CAPN13: variants seen among roughly 807,000 people sequenced by gnomAD.
CAPN13 encodes calpain-13.
CAPN13 carries 90 observed loss-of-function variants against 98.4 expected under a neutral mutation model. The ratio of observed to expected loss-of-function variants is 0.92; its 90% confidence interval spans 0.77 to 1.09. The LOEUF (loss-of-function observed/expected upper bound fraction) is 1.09, where lower values mean the gene tolerates loss of function less well. Among genes scored for constraint, CAPN13 ranks in the 50% least tolerant of loss-of-function variants. CAPN13 has a pLI of 0.00. For synonymous variants in CAPN13, 330 were observed against 305.5 expected (o/e 1.08, Z -0.84); for missense variants, 887 against 841.3 (o/e 1.05, Z -0.67).
At chr2:30,760,442 GT>G (rs202130044) in intron 7 of CAPN13, among the ~76,000 whole-genome samples, 1,747 of 151,900 alleles carry the variant, frequency 0.012, 29 homozygotes, top group African/African-American at 0.04. Context: ...AGTGGGCATG[GT>G]GGGGAGAAAA....
rs78420950 is a variant in CAPN13 at position 30,764,231 on chromosome 2, G to A, written c.600C>T (p.Ile200=). The change falls in exon 6 of 23, where the codon ATC becomes ATT. Residue 200 remains isoleucine, a synonymous_variant. Transcript: ENST00000295055. ...DALVDLTGGV[I]TNIHLHSSPV... ...GGGAAGAGTGCAGATGGATGTTGGT[G>A]ATCACGCCTCCTGTGAGGTCCACCA... The A allele has an allele frequency of 6.2e-7, 1 of 1,613,296 alleles. No homozygotes were observed. The highest frequency in any genetic ancestry group is 2.2e-5 in the East Asian group (1 of 44,866).
intron 22 of CAPN13, among the ~76,000 whole-genome samples, chr2:30,728,624 C>T (rs1670945040): frequency 6.6e-6 from 1 of 152,170 alleles, no homozygotes; most frequent in African/African-American, 2.4e-5. Flanking sequence ...AGATGGTGGG[C>T]AGGGTCCAGA....
At chr2:30,760,983 G>A (rs1349018860) in intron 7 of CAPN13, among the ~76,000 whole-genome samples, 1 of 152,230 alleles carries the variant, frequency 6.6e-6, no homozygotes, top group African/African-American at 2.4e-5. Context: ...CCGAATGCCA[G>A]TTCCACTGGC....
intron 1 of CAPN13, among the ~76,000 whole-genome samples, chr2:30,789,136 A>C (rs1674477745): frequency 6.6e-6 from 1 of 152,236 alleles, no homozygotes; most frequent in African/African-American, 2.4e-5. Flanking sequence ...GGCCCGCAAC[A>C]AATTAAATAG....
chr2:30,728,697 C>T (rs1558603818), intron 22 of CAPN13, among the ~76,000 whole-genome samples: 1 of 152,086 alleles, frequency 6.6e-6, no homozygotes, highest in Non-Finnish European at 1.5e-5. Flanking sequence ...AATGGGAGGA[C>T]ATTGAAGCGT....
At chr2:30,735,438 C>T (rs976820843) in intron 18 of CAPN13, among the ~76,000 whole-genome samples, 5 of 152,232 alleles carry the variant, frequency 3.3e-5, no homozygotes, top group Non-Finnish European at 7.3e-5. Context: ...TTTTGGGGGC[C>T]TTATTCGGCT....
At chr2:30,805,239 C>T (rs1675542294) in intron 1 of CAPN13, among the ~76,000 whole-genome samples, 1 of 152,168 alleles carries the variant, frequency 6.6e-6, no homozygotes, top group Non-Finnish European at 1.5e-5. Context: ...TACCCTTGCT[C>T]GGATAGACTC....
At chr2:30,753,769 C>A (rs931368312) in intron 9 of CAPN13, among the ~76,000 whole-genome samples, 10 of 152,176 alleles carry the variant, frequency 6.6e-5, no homozygotes, top group Non-Finnish European at 1.5e-4. Context: ...AACCAGACAA[C>A]CCTCTGAGGA....
chr2:30,764,411 C>T (rs1673009091), intron 5 of CAPN13, 105 bp from the exon 6 acceptor site: 1 of 1,280,460 alleles, frequency 7.8e-7, no homozygotes, highest in South Asian at 1.4e-5. Context: ...AAGGGGCTGC[C>T]TGGTCCACTC....
At chr2:30,737,964 A>T in intron 17 of CAPN13, 1 of 389,860 alleles carries the variant, frequency 2.6e-6, no homozygotes, top group Non-Finnish European at 4.5e-6. Flanking sequence ...AAGAATTATA[A>T]GGACACACAC....
rs1389926285 is a variant in CAPN13 at position 30,745,527 on chromosome 2, T to C, written c.1248+196A>G. Among the ~76,000 whole-genome samples, 3 of 152,194 alleles carry C rather than the reference T, an allele frequency of 2.0e-5. No homozygotes were observed. In the East Asian group the frequency reaches 5.8e-4, roughly 29 times the overall value. On this transcript the variant is annotated intron_variant, in intron 12 of 22. Transcript: ENST00000295055. ...AGAGAACAGCTCAAAGGGTCGAAGC[T>C]TCAGACCAGGACACCTAACTATTCT...
intron 11 of CAPN13, among the ~76,000 whole-genome samples, chr2:30,748,609 G>A (rs756096950): frequency 4.6e-5 from 7 of 152,136 alleles, no homozygotes; most frequent in Non-Finnish European, 1.0e-4. Flanking sequence ...TGGGTCACAA[G>A]TCTACAACTT....
intron 2 of CAPN13, among the ~76,000 whole-genome samples, chr2:30,783,510 T>C (rs11891737): frequency 0.1 from 15,600 of 152,032 alleles, 2,465 homozygotes; most frequent in African/African-American, 0.34. Flanking sequence ...GAAGGAAGGA[T>C]AAGAGCCAGA....
intron 15 of CAPN13, chr2:30,741,479 T>C (rs1671649208): frequency 9.8e-7 from 1 of 1,018,152 alleles, no homozygotes; most frequent in East Asian, 9.5e-5. Flanking sequence ...AAATCCTGTG[T>C]GCACATAGGT....
intron 1 of CAPN13, among the ~76,000 whole-genome samples, chr2:30,791,589 C>T (rs915467665): frequency 6.6e-6 from 1 of 152,230 alleles, no homozygotes; most frequent in Non-Finnish European, 1.5e-5. Context: ...CTTAAGTTTG[C>T]TCCCAGTGTT....
rs1307196239 is a variant in CAPN13 at position 30,736,571 on chromosome 2, G to T, written c.1654C>A (p.Leu552Met). 6.2e-7 allele frequency: 1 copy of T among 1,613,988 alleles called. No individual in the cohort carries two copies. Among genetic ancestry groups the T allele is most frequent in the Non-Finnish European group, 8.5e-7 (1 of 1,179,878 alleles). ...ECRSLVALME[L>M]KVNGRLDQEE... ...TGGTCTAGCCGCCCATTCACTTTCA[G>T]CTGGGTAAGGAGTTAAGAGTGAACC... The change falls in exon 18 of 23, where the codon CTG becomes ATG. Residue 552 changes from leucine (L) to methionine (M), a missense_variant and splice_region_variant. Physicochemically the swap from Leu to Met is conservative, Grantham distance 15. Coordinates refer to ENST00000295055, the MANE Select transcript of CAPN13 (RefSeq NM_144575.3).
In CAPN13 at chr2:30,722,895, G is replaced by C. The variant is rs891293048; in HGVS notation, c.*372C>G. The C allele has an allele frequency of 6.6e-6, 1 of 152,240 alleles. No individual in the cohort carries two copies. The allele number at this position is 152,240 out of a possible 1,614,324, so 9.4% of individuals were successfully genotyped here. On this transcript the variant is annotated 3_prime_UTR_variant, in exon 23 of 23. Coordinates refer to ENST00000295055, the MANE Select transcript of CAPN13 (RefSeq NM_144575.3). ...TCTTGTGTCACCCATAGCACCCGAG[G>C]GTGGTCAAAGTGGCTCATTCTGGCT...
Position 30,738,447 on chromosome 2 carries a change from A to G in CAPN13, c.1547T>C (p.Ile516Thr). Residue 516 changes from isoleucine (I) to threonine (T), a missense_variant, in exon 16 of 23, where the codon ATT (isoleucine) becomes ACT (threonine). Ile to Thr is a moderately conservative substitution (Grantham distance 89). Transcript: ENST00000295055. The stretch of plus-strand genomic sequence containing the variant: ...AAGGCCCTGAAGCTGGGTGGCATCA[A>G]TGTCCAGCCTCTGATCCAAACAAGG... The part of the protein sequence containing the change: ...FNRYAQQRLD[I>T]DATQLQGLLN... 1.2e-6 allele frequency: 2 copies of G among 1,604,764 alleles called. No homozygotes were observed. Among genetic ancestry groups the G allele is most frequent in the Non-Finnish European group, 8.5e-7 (1 of 1,175,348 alleles).
intron 15 of CAPN13, among the ~76,000 whole-genome samples, chr2:30,739,925 G>A (rs1289188303): frequency 6.6e-6 from 1 of 152,108 alleles, no homozygotes; most frequent in African/African-American, 2.4e-5. Context: ...GTAATGTCCG[G>A]ATGATGGGTA....
Sources: gnomAD v4.1 joint callset for allele counts (sites outside exome capture counted in the v4.1 genomes callset) on GRCh38, gnomAD v4.1.1 for gene constraint, MANE v1.5 for transcripts, NCBI Gene and HGNC (gene_info 2026-07-23, HGNC 2026-07-21) for gene names.